Variants in PHLPP1 observed in about 807,000 individuals in gnomAD.
PHLPP1 encodes PH domain leucine-rich repeat-containing protein phosphatase 1.
Under a neutral mutation model 117.2 loss-of-function variants are expected in PHLPP1, and 42 were observed. That is an observed-to-expected ratio of 0.36 (90% CI 0.28 to 0.46). The LOEUF is 0.46. PHLPP1 is among the 20% of genes least tolerant of loss of function. The pLI is 1.00. For missense variants in PHLPP1, 2,084 were observed against 2,241.9 expected, an observed-to-expected ratio of 0.93 and a Z score of 1.42; for synonymous variants, 1,042 against 970.7, an observed-to-expected ratio of 1.07 and a Z score of -1.37.
chr18:62,826,841 A>T lies in PHLPP1; in HGVS notation c.1577-3194A>T, dbSNP rs545062117. On this transcript the variant is annotated intron_variant, in intron 1 of 16. Coordinates refer to ENST00000262719, the MANE Select transcript of PHLPP1 (RefSeq NM_194449.4). Reference sequence around the variant, plus strand: ...TATGGGGAAACCTGTCTCTATTAAAAATACAAAAATTAGCCGGGCATGGTG... The same window carrying T: ...TATGGGGAAACCTGTCTCTATTAAATATACAAAAATTAGCCGGGCATGGTG... Among the ~76,000 whole-genome samples, 17 of 152,176 alleles carry T rather than the reference A, an allele frequency of 1.1e-4. No individual in the cohort carries two copies. The South Asian group carries it at 3.1e-3, about 28-fold the overall frequency.
chr18:62,853,473 G>A (rs544919814), intron 3 of PHLPP1, among the ~76,000 whole-genome samples: 46 of 151,878 alleles, frequency 3.0e-4, no homozygotes, highest in Non-Finnish European at 4.7e-4. Context: ...GGGTTCAAGC[G>A]ATTCTCCTAC....
intron 1 of PHLPP1, among the ~76,000 whole-genome samples, chr18:62,776,370 C>T (rs1056723608): frequency 6.6e-6 from 1 of 152,102 alleles, no homozygotes; most frequent in East Asian, 1.9e-4. Context: ...TTATTGCCGT[C>T]GACTGATTAG....
At chr18:62,804,887 TGC>T (rs201202892) in intron 1 of PHLPP1, among the ~76,000 whole-genome samples, 1,786 of 146,268 alleles carry the variant, frequency 0.012, 8 homozygotes, top group African/African-American at 0.026. Flanking sequence ...TAATATACAC[TGC>T]ATATATTATA....
intron 1 of PHLPP1, among the ~76,000 whole-genome samples, chr18:62,742,764 ACT>A (rs749253783): frequency 1.1e-4 from 16 of 151,784 alleles, no homozygotes; most frequent in African/African-American, 3.1e-4. Context: ...GCTCTATTTT[ACT>A]CTGTTTCTGC....
At chr18:62,788,408 A>G (rs1430635967) in intron 1 of PHLPP1, among the ~76,000 whole-genome samples, 1 of 152,218 alleles carries the variant, frequency 6.6e-6, no homozygotes, top group Non-Finnish European at 1.5e-5. Context: ...ACCAGGGACA[A>G]GTTAGAAATC....
chr18:62,902,301 T>C (rs1916743737), intron 6 of PHLPP1, among the ~76,000 whole-genome samples: 1 of 152,168 alleles, frequency 6.6e-6, no homozygotes, highest in African/African-American at 2.4e-5. Flanking sequence ...ATTTCAGTAT[T>C]TTCTGCACTT....
intron 1 of PHLPP1, among the ~76,000 whole-genome samples, chr18:62,730,293 G>C (rs1220753767): frequency 6.6e-6 from 1 of 152,222 alleles, no homozygotes; most frequent in Non-Finnish European, 1.5e-5. Context: ...AGGTTGTTGA[G>C]AGGATCAAGT....
In PHLPP1 at chr18:62,917,396, T is replaced by TTGTGTGTGTGTGTGTGTGTG. The variant is rs34407573; in HGVS notation, c.2804+2408_2804+2427dup. Among the ~76,000 whole-genome samples, 78 of 141,488 alleles carry TTGTGTGTGTGTGTGTGTGTG rather than the reference T, an allele frequency of 5.5e-4. 1 individual carries two copies. The highest frequency in any genetic ancestry group is 1.9e-3 in the African/African-American group (73 of 37,750). The allele number at this position is 141,488 out of a possible 152,430, so 92.8% of individuals were successfully genotyped here. On this transcript the variant is annotated intron_variant, in intron 9 of 16. Coordinates refer to ENST00000262719, the MANE Select transcript of PHLPP1 (RefSeq NM_194449.4). The stretch of plus-strand genomic sequence containing the variant: ...TGTTAAAGAATTTAAACAGTATTCT[T>TTGTGTGTGTGTGTGTGTGTG]TGTGTGTGTGTGTGTGTGTGTGTGT...
chr18:62,849,812 A>T (rs1915280530), intron 3 of PHLPP1, among the ~76,000 whole-genome samples: 5 of 44,284 alleles, frequency 1.1e-4, no homozygotes, highest in African/African-American at 4.5e-4. Flanking sequence ...AAAAAAAAAA[A>T]AAAAAAAAAA....
intron 2 of PHLPP1, 68 bp from the exon 3 acceptor site, chr18:62,838,716 A>C (rs750963648): frequency 5.3e-6 from 8 of 1,509,744 alleles, no homozygotes; most frequent in Non-Finnish European, 7.3e-6. Flanking sequence ...TCAGAGGCAT[A>C]GTTAGTGAAA....
chr18:62,923,922 T>C (rs1909548160), intron 10 of PHLPP1, among the ~76,000 whole-genome samples: 1 of 152,240 alleles, frequency 6.6e-6, no homozygotes, highest in Admixed American at 6.5e-5. Flanking sequence ...TTTGTTCACA[T>C]GGTTCAATGT....
At chr18:62,912,794 GT>G (rs1359043899) in intron 8 of PHLPP1, among the ~76,000 whole-genome samples, 2 of 151,994 alleles carry the variant, frequency 1.3e-5, no homozygotes, top group East Asian at 3.9e-4. Flanking sequence ...TAATTTTCTT[GT>G]ATTTCTGTAG....
chr18:62,917,608 G>C (rs1909329498), intron 9 of PHLPP1, among the ~76,000 whole-genome samples: 1 of 152,026 alleles, frequency 6.6e-6, no homozygotes, highest in Non-Finnish European at 1.5e-5. Context: ...TTGAGCCCAG[G>C]AGTTCAAGAC....
At chr18:62,856,807 T>C (rs567458218) in intron 3 of PHLPP1, among the ~76,000 whole-genome samples, 1 of 152,288 alleles carries the variant, frequency 6.6e-6, no homozygotes, top group African/African-American at 2.4e-5. Flanking sequence ...AGATAAATCC[T>C]ATCTGCCAAC....
chr18:62,732,617 C>T (rs2122061960), intron 1 of PHLPP1, among the ~76,000 whole-genome samples: 1 of 152,236 alleles, frequency 6.6e-6, no homozygotes, highest in East Asian at 1.9e-4. Flanking sequence ...AATTTCTGGT[C>T]TTATTATTTA....
chr18:62,871,396 C>T lies in PHLPP1; in HGVS notation c.2066+10795C>T, dbSNP rs554542096. Reference sequence around the variant, plus strand: ...AGGCTGGAGTGCAGTGGTGCAATCTCGGCTCACTGCAACCTCTGCCTCCTG... The same window carrying T: ...AGGCTGGAGTGCAGTGGTGCAATCTTGGCTCACTGCAACCTCTGCCTCCTG... On this transcript the variant is annotated intron_variant, in intron 4 of 16. Coordinates refer to ENST00000262719, the MANE Select transcript of PHLPP1 (RefSeq NM_194449.4). Among the ~76,000 whole-genome samples, 84 of 152,060 alleles carry T rather than the reference C, an allele frequency of 5.5e-4. 1 individual carries two copies. The South Asian group carries it at 0.015, about 27-fold the overall frequency.
intron 1 of PHLPP1, among the ~76,000 whole-genome samples, chr18:62,775,411 A>G (rs1049228267): frequency 1.3e-5 from 2 of 152,156 alleles, no homozygotes; most frequent in African/African-American, 2.4e-5. Context: ...CTAATAAGAC[A>G]TTCCTTTTCT....
intron 1 of PHLPP1, among the ~76,000 whole-genome samples, chr18:62,783,625 A>T (rs1198269626): frequency 2.0e-5 from 3 of 152,178 alleles, no homozygotes; most frequent in African/African-American, 7.2e-5. Flanking sequence ...ATCCATGAAT[A>T]GCACTATTAA....
At chr18:62,859,619 TTTTC>T (rs1915582641) in intron 3 of PHLPP1, among the ~76,000 whole-genome samples, 2 of 152,182 alleles carry the variant, frequency 1.3e-5, no homozygotes, top group African/African-American at 4.8e-5. Context: ...GTCTTGTTCT[TTTTC>T]TTTATTTGTG....
Sources: allele counts gnomAD v4.1 joint callset (sites outside exome capture counted in the v4.1 genomes callset), GRCh38; gene constraint gnomAD v4.1.1; transcripts MANE v1.5; gene names NCBI Gene and HGNC (gene_info 2026-07-23, HGNC 2026-07-21).